The following NEK10 variants were observed in gnomAD, a reference collection of about 807,000 sequenced individuals.
NEK10 encodes serine/threonine-protein kinase Nek10.
In NEK10, 122 loss-of-function variants were observed where a neutral mutation model predicts 159.8. The ratio of observed to expected loss-of-function variants is 0.76; its 90% CI spans 0.66 to 0.89. NEK10 has a LOEUF of 0.89. NEK10 is among the 40% of genes least tolerant of loss of function. The pLI is 0.00. For synonymous variants in NEK10, 466 were observed against 457.1 expected (o/e 1.02, Z -0.25); for missense variants, 1,342 against 1,323.1 (o/e 1.01, Z -0.22).
intron 25 of NEK10, among the ~76,000 whole-genome samples, chr3:27,199,086 AAC>A (rs869137098): frequency 0.17 from 23,504 of 136,688 alleles, 1,967 homozygotes; most frequent in Middle Eastern, 0.27. Context: ...AAAAAAAAAA[AAC>A]AAAAAAAGAC....
chr3:27,344,537 T>G (rs562943850), intron 4 of NEK10, among the ~76,000 whole-genome samples, 167 bp from the exon 5 acceptor site: 2 of 152,346 alleles, frequency 1.3e-5, no homozygotes, highest in African/African-American at 2.4e-5. Context: ...TTTAACATGT[T>G]GCTAAAAGCA....
intron 24 of NEK10, among the ~76,000 whole-genome samples, chr3:27,202,164 T>TTAAATAAA (rs75606966): frequency 1.3e-5 from 2 of 151,072 alleles, no homozygotes; most frequent in African/African-American, 2.4e-5. Flanking sequence ...AATAAATAAA[T>TTAAATAAA]TAAATAAATA....
Position 27,247,187 on chromosome 3 carries a change from T to A in NEK10, c.2090+9109A>T, listed in dbSNP as rs187977020. Among the ~76,000 whole-genome samples, 4 of 152,326 alleles carry A rather than the reference T, an allele frequency of 2.6e-5. No individual in the cohort carries two copies. In the East Asian group the frequency reaches 7.7e-4, roughly 29 times the overall value. ...TGAATAACAATGATGAAAGTTAACA[T>A]CCCTGTCATGTTCTAGATCTTCAAG... On this transcript the variant is annotated intron_variant, in intron 23 of 35. Coordinates refer to ENST00000691995, the MANE Select transcript of NEK10 (RefSeq NM_001394966.1).
At chr3:27,208,520 A>G (rs1197043414) in intron 23 of NEK10, among the ~76,000 whole-genome samples, 2 of 152,238 alleles carry the variant, frequency 1.3e-5, no homozygotes, top group Non-Finnish European at 2.9e-5. Flanking sequence ...AGCCTGGACA[A>G]GCCCACTAAT....
intron 22 of NEK10, among the ~76,000 whole-genome samples, chr3:27,267,015 A>G (rs952676103): frequency 1.3e-5 from 2 of 152,190 alleles, no homozygotes; most frequent in African/African-American, 4.8e-5. Flanking sequence ...ACACCTCCAC[A>G]GGTAGATTCC....
chr3:27,179,224 T>C (rs1360645961), intron 26 of NEK10, among the ~76,000 whole-genome samples: 1 of 152,170 alleles, frequency 6.6e-6, no homozygotes, highest in Non-Finnish European at 1.5e-5. Flanking sequence ...CTAATTTATA[T>C]GGATTATATA....
At chr3:27,298,308 T>C (rs554520559) in intron 13 of NEK10, among the ~76,000 whole-genome samples, 37 of 152,248 alleles carry the variant, frequency 2.4e-4, no homozygotes, top group Non-Finnish European at 3.8e-4. Context: ...CAAGATCTGA[T>C]GGTTTTAAAA....
At chr3:27,259,277 A>G (rs1257880675) in intron 22 of NEK10, among the ~76,000 whole-genome samples, 1 of 152,070 alleles carries the variant, frequency 6.6e-6, no homozygotes, top group Non-Finnish European at 1.5e-5. Flanking sequence ...GGTGTTTTAG[A>G]CATGAAGTCC....
intron 32 of NEK10, among the ~76,000 whole-genome samples, chr3:27,122,160 TGTC>T (rs1213545737): frequency 6.6e-6 from 1 of 152,100 alleles, no homozygotes; most frequent in Non-Finnish European, 1.5e-5. Context: ...CCCATGCTGT[TGTC>T]ATGATAGTGT....
At chr3:27,365,874 A>G (rs2049043973) in intron 1 of NEK10, among the ~76,000 whole-genome samples, 1 of 151,930 alleles carries the variant, frequency 6.6e-6, no homozygotes, top group Admixed American at 6.6e-5. Context: ...CGGCCTCCCA[A>G]AGTGAGCCAT....
At chr3:27,156,973 T>G (rs1403188547) in intron 30 of NEK10, among the ~76,000 whole-genome samples, 2 of 112,372 alleles carry the variant, frequency 1.8e-5, no homozygotes, top group African/African-American at 7.0e-5. Flanking sequence ...TATATATATA[T>G]ATATATGATG....
chr3:27,316,825 G>A (rs13083265), intron 6 of NEK10, among the ~76,000 whole-genome samples: 1 of 151,916 alleles, frequency 6.6e-6, no homozygotes, highest in East Asian at 1.9e-4. Flanking sequence ...CAGAGAGAAA[G>A]AGAGAGTTTT....
chr3:27,166,742 C>T (rs1447879485), intron 29 of NEK10, among the ~76,000 whole-genome samples: 1 of 151,996 alleles, frequency 6.6e-6, no homozygotes, highest in Non-Finnish European at 1.5e-5. Context: ...GGTGGATCAC[C>T]TGAAGTCAAG....
At position 27,162,712 on chromosome 3, in the gene NEK10, C is replaced by G; in HGVS notation, c.2858G>C (p.Arg953Thr). Residue 953 changes from arginine (R) to threonine (T), a missense_variant, in exon 30 of 36, where the codon AGA (arginine) becomes ACA (threonine). Coordinates refer to ENST00000691995, the MANE Select transcript of NEK10 (RefSeq NM_001394966.1). ...CAACACTAAGTTACCTGGTCTTGGTCTTGATCCTGTTCCTCCAGTGAAGTC... is the reference window on the plus strand; with the variant it reads ...CAACACTAAGTTACCTGGTCTTGGTGTTGATCCTGTTCCTCCAGTGAAGTC... ...TRDFTGGTGS[R>T]PRPASAGIAV... 2 of 1,614,038 alleles carry G rather than the reference C, an allele frequency of 1.2e-6. No individual in the cohort carries two copies. Among genetic ancestry groups the G allele is most frequent in the Middle Eastern group, 3.3e-4 (2 of 6,060 alleles).
intron 6 of NEK10, among the ~76,000 whole-genome samples, chr3:27,314,973 T>G (rs889312790): frequency 1.3e-5 from 2 of 152,240 alleles, no homozygotes; most frequent in African/African-American, 4.8e-5. Flanking sequence ...AATGATCTTA[T>G]TAGACCCATG....
At chr3:27,349,343 G>A (rs1375444433) in intron 3 of NEK10, among the ~76,000 whole-genome samples, 6 of 151,806 alleles carry the variant, frequency 4.0e-5, no homozygotes, top group African/African-American at 7.3e-5. Context: ...TTCCACTGAC[G>A]GAAAAGCAGC....
chr3:27,363,659 T>A (rs944067710), intron 1 of NEK10: 1 of 152,170 alleles, frequency 6.6e-6, no homozygotes, highest in African/African-American at 2.4e-5. Context: ...GAATATAAAG[T>A]ATTACATTGA....
At chr3:27,194,213 C>G (rs1378788976) in intron 25 of NEK10, 1 of 151,810 alleles carries the variant, frequency 6.6e-6, no homozygotes, top group Non-Finnish European at 1.5e-5. Flanking sequence ...GCAAGCTCCG[C>G]CTCCCGGGTT....
intron 28 of NEK10, 44 bp from the exon 29 acceptor site, chr3:27,171,917 A>G (rs1300283799): frequency 1.6e-5 from 26 of 1,575,954 alleles, no homozygotes; most frequent in Non-Finnish European, 2.2e-5. Context: ...TTTCCTCTGC[A>G]AATCTTTTAT....
Sources: allele counts gnomAD v4.1 joint callset (sites outside exome capture counted in the v4.1 genomes callset), GRCh38; gene constraint gnomAD v4.1.1; transcripts MANE v1.5; gene names NCBI Gene and HGNC (gene_info 2026-07-23, HGNC 2026-07-21).